FOXP1: variants seen among roughly 807,000 people sequenced by gnomAD.
FOXP1 encodes the protein forkhead box P1, also known as forkhead box protein P1.
A neutral mutation model predicts 98.2 loss-of-function variants in FOXP1; 15 were observed. That is an observed-to-expected ratio of 0.15 (90% CI 0.10 to 0.24). The LOEUF is 0.24. Ranked by LOEUF, FOXP1 falls within the 10% of genes least tolerant of loss-of-function variation. The pLI, the probability that FOXP1 is intolerant of heterozygous loss-of-function variation, is 1.00. For synonymous variants in FOXP1, 371 were observed against 314.5 expected (o/e 1.18, Z -1.90); for missense variants, 633 against 848.5 (o/e 0.75, Z 3.15).
At chr3:71,522,750 A>G (rs1004397766) in intron 2 of FOXP1, among the ~76,000 whole-genome samples, 6 of 152,124 alleles carry the variant, frequency 3.9e-5, no homozygotes, top group African/African-American at 1.4e-4. Flanking sequence ...GGGCCCACCT[A>G]CTGCACATCT....
At chr3:71,072,069 C>T (rs1165642859) in intron 7 of FOXP1, among the ~76,000 whole-genome samples, 1 of 152,148 alleles carries the variant, frequency 6.6e-6, no homozygotes, top group Non-Finnish European at 1.5e-5. Flanking sequence ...TGCCTGTAAT[C>T]CCACTGACTC....
chr3:71,462,211 A>G (rs958932582), intron 3 of FOXP1, among the ~76,000 whole-genome samples: 5 of 152,224 alleles, frequency 3.3e-5, no homozygotes, highest in Non-Finnish European at 7.3e-5. Flanking sequence ...GAGACTCATC[A>G]GGGTAAAAAA....
At chr3:71,042,337 C>T (rs2048461863) in intron 10 of FOXP1, among the ~76,000 whole-genome samples, 1 of 152,020 alleles carries the variant, frequency 6.6e-6, no homozygotes, top group Non-Finnish European at 1.5e-5. Context: ...GGAGTGAATC[C>T]AGTATTTTCC....
intron 3 of FOXP1, among the ~76,000 whole-genome samples, chr3:71,385,543 A>G (rs2080505041): frequency 6.6e-6 from 1 of 152,168 alleles, no homozygotes; most frequent in South Asian, 2.1e-4. Flanking sequence ...TGAGGTGGGA[A>G]AGGCTCCCAA....
intron 8 of FOXP1, 53 bp downstream of exon 8, chr3:71,053,583 G>C: frequency 6.2e-7 from 1 of 1,611,428 alleles, no homozygotes; most frequent in Non-Finnish European, 8.5e-7. Flanking sequence ...TGGAGTGATG[G>C]GGGCCCCTGG....
intron 17 of FOXP1, among the ~76,000 whole-genome samples, chr3:70,976,253 T>C (rs1415889833): frequency 6.6e-6 from 1 of 152,090 alleles, no homozygotes; most frequent in Non-Finnish European, 1.5e-5. Flanking sequence ...AGGGTCTCGC[T>C]ACGTTGCCCA....
chr3:71,100,301 C>T (rs931004231), intron 7 of FOXP1, among the ~76,000 whole-genome samples: 6 of 152,244 alleles, frequency 3.9e-5, no homozygotes, highest in African/African-American at 1.4e-4. Flanking sequence ...GTGGTTCAGA[C>T]TCTTATTCTG....
chr3:71,432,864 A>T (rs2084852952), intron 3 of FOXP1, among the ~76,000 whole-genome samples: 1 of 148,146 alleles, frequency 6.8e-6, no homozygotes, highest in East Asian at 1.9e-4. Flanking sequence ...AAAAAAAAAA[A>T]AATTAAAAAA....
chr3:71,048,799 T>C (rs947652114), intron 9 of FOXP1, among the ~76,000 whole-genome samples: 2 of 134,684 alleles, frequency 1.5e-5, no homozygotes, highest in Non-Finnish European at 3.1e-5. Context: ...GAAAGCAGAC[T>C]ATAATGGGGG....
chr3:71,181,371 G>C (rs961392695), intron 6 of FOXP1, among the ~76,000 whole-genome samples: 1 of 152,158 alleles, frequency 6.6e-6, no homozygotes, highest in African/African-American at 2.4e-5. Flanking sequence ...TTGTGCCAAG[G>C]TCAATAAATT....
intron 4 of FOXP1, among the ~76,000 whole-genome samples, chr3:71,339,399 A>G (rs945775616): frequency 6.6e-6 from 1 of 152,226 alleles, no homozygotes; most frequent in African/African-American, 2.4e-5. Context: ...GTACATTATC[A>G]TTCCCACACT....
At chr3:71,208,882 T>G (rs1419799464) in intron 5 of FOXP1, among the ~76,000 whole-genome samples, 4 of 152,112 alleles carry the variant, frequency 2.6e-5, no homozygotes, top group African/African-American at 9.7e-5. Context: ...AAACAGTCAT[T>G]CTGACATTTA....
chr3:71,099,344 C>G (rs2056756247), intron 7 of FOXP1, among the ~76,000 whole-genome samples: 1 of 152,052 alleles, frequency 6.6e-6, no homozygotes. Flanking sequence ...AACCTCGTCC[C>G]TACTAAAAAT....
intron 6 of FOXP1, among the ~76,000 whole-genome samples, chr3:71,133,214 A>G (rs2059656914): frequency 6.6e-6 from 1 of 152,248 alleles, no homozygotes; most frequent in Non-Finnish European, 1.5e-5. Flanking sequence ...TCTCATGGCC[A>G]TTAGAAGTCT....
At chr3:70,966,122 T>C (rs943487029) in intron 19 of FOXP1, 66 bp from the exon 20 acceptor site, 3 of 1,295,312 alleles carry the variant, frequency 2.3e-6, no homozygotes, top group Admixed American at 1.7e-5. Flanking sequence ...CTACTAATTA[T>C]GGGTGTACTC....
chr3:71,060,128 T>A (rs1211798445), intron 7 of FOXP1, among the ~76,000 whole-genome samples: 1 of 152,110 alleles, frequency 6.6e-6, no homozygotes, highest in African/African-American at 2.4e-5. Context: ...ATATGTATTT[T>A]TTTTCCCATA....
In FOXP1 at chr3:71,009,364, C is replaced by G. The variant is rs151105318; in HGVS notation, c.974+6185G>C. Among the ~76,000 whole-genome samples the G allele has an allele frequency of 6.2e-3, 938 of 152,134 alleles. 9 individuals carry two copies. Among genetic ancestry groups the G allele is most frequent in the African/African-American group, 0.02 (818 of 41,510 alleles). ...AGCCATACTCGTTCCTTGTTCCTTA[C>G]GCATGGTCAACGGCTGCTTTTGTAC... On this transcript the variant is annotated intron_variant, in intron 12 of 20. Coordinates refer to ENST00000649528, the MANE Select transcript of FOXP1 (RefSeq NM_001349338.3).
At chr3:71,223,693 CAAA>C (rs34686001) in intron 5 of FOXP1, among the ~76,000 whole-genome samples, 17 of 90,112 alleles carry the variant, frequency 1.9e-4, no homozygotes, top group East Asian at 2.6e-4. Context: ...GACTACGTCT[CAAA>C]AAAAAAAAAA....
chr3:71,426,397 G>T (rs2084157559), intron 3 of FOXP1, among the ~76,000 whole-genome samples: 1 of 152,158 alleles, frequency 6.6e-6, no homozygotes, highest in African/African-American at 2.4e-5. Context: ...TGCCCTCAAA[G>T]AATTCAGGGG....
Sources: gnomAD v4.1 joint callset for allele counts (sites outside exome capture counted in the v4.1 genomes callset) on GRCh38, gnomAD v4.1.1 for gene constraint, MANE v1.5 for transcripts, NCBI Gene and HGNC (gene_info 2026-07-23, HGNC 2026-07-21) for gene names.